The following PAX3 variants were observed in gnomAD, a reference collection of about 807,000 sequenced individuals.
The protein encoded by PAX3 is paired box protein Pax-3.
Under a neutral mutation model 51.6 loss-of-function variants are expected in PAX3, and 14 were observed. That is an observed-to-expected ratio of 0.27 (90% CI 0.18 to 0.42). PAX3 has a LOEUF of 0.42. PAX3 is among the 10% of genes least tolerant of loss of function. The pLI is 1.00. For missense variants in PAX3, 540 were observed against 642.8 expected, an observed-to-expected ratio of 0.84 and a Z score of 1.73; for synonymous variants, 280 against 253.4, an observed-to-expected ratio of 1.11 and a Z score of -1.00.
At chr2:222,222,784 C>T (rs1692247213) in intron 5 of PAX3, among the ~76,000 whole-genome samples, 1 of 152,158 alleles carries the variant, frequency 6.6e-6, no homozygotes, top group African/African-American at 2.4e-5. Flanking sequence ...GATGCCTTGT[C>T]CTCATGGGAT....
At chr2:222,279,178 T>G (rs1262396046) in intron 4 of PAX3, among the ~76,000 whole-genome samples, 2 of 152,228 alleles carry the variant, frequency 1.3e-5, no homozygotes, top group African/African-American at 4.8e-5. Flanking sequence ...GGTCTCGACC[T>G]CCTGATCTCA....
intron 8 of PAX3, 165 bp from the exon 9 acceptor site, chr2:222,201,607 G>C: frequency 7.7e-7 from 1 of 1,292,360 alleles, no homozygotes; most frequent in Admixed American, 2.0e-5. Context: ...TGTGTCCCTG[G>C]GATTATCCCC....
chr2:222,259,478 C>A (rs948496264), intron 4 of PAX3, among the ~76,000 whole-genome samples: 2 of 152,146 alleles, frequency 1.3e-5, no homozygotes, highest in Admixed American at 1.3e-4. Context: ...AGCATTCTAC[C>A]AATCAACATC....
chr2:222,261,930 C>T lies in PAX3; in HGVS notation c.587-29647G>A, dbSNP rs957360148. Among the ~76,000 whole-genome samples the T allele has an allele frequency of 3.9e-5, 6 of 152,314 alleles. 1 individual carries two copies. The South Asian group carries it at 1.0e-3, about 26-fold the overall frequency. ...CAGTTTAAACAAGCATGACAGGCAA[C>T]CAGTATCCCAATGGGTTCCCAAAGT... On this transcript the variant is annotated intron_variant, in intron 4 of 8. Coordinates refer to ENST00000392070, the MANE Select transcript of PAX3 (RefSeq NM_181458.4).
intron 4 of PAX3, among the ~76,000 whole-genome samples, chr2:222,293,202 C>T (rs565616294): frequency 4.9e-4 from 74 of 152,304 alleles, no homozygotes; most frequent in African/African-American, 1.7e-3. Context: ...GAGTGGGACC[C>T]CTGGCCACTC....
intron 6 of PAX3, 69 bp downstream of exon 6, chr2:222,221,153 T>C: frequency 6.9e-7 from 1 of 1,445,026 alleles, no homozygotes. Context: ...AGGATTCACT[T>C]GTATAAAATA....
chr2:222,221,576 T>C lies in PAX3; in HGVS notation c.793-189A>G, dbSNP rs914479928. On this transcript the variant is annotated intron_variant, in intron 5 of 8. Transcript: ENST00000392070. The stretch of plus-strand genomic sequence containing the variant: ...AGAAGAGTTTAGTGTCAAAGGTCAG[T>C]AGAGGGGCTTCAGGGACCCACCATG... 10 of 590,512 alleles carry C rather than the reference T, an allele frequency of 1.7e-5. No individual in the cohort carries two copies. The African/African-American group carries it at 1.9e-4, about 11-fold the overall frequency. The allele number at this position is 590,512 out of a possible 1,614,324, so 36.6% of individuals were successfully genotyped here.
intron 5 of PAX3, among the ~76,000 whole-genome samples, chr2:222,226,737 CA>C (rs1692400302): frequency 2.0e-5 from 3 of 149,690 alleles, no homozygotes; most frequent in African/African-American, 7.4e-5. Flanking sequence ...GGGTCATTCC[CA>C]AAATGCATGA....
At chr2:222,247,280 A>T (rs1264496301) in intron 4 of PAX3, among the ~76,000 whole-genome samples, 1 of 152,200 alleles carries the variant, frequency 6.6e-6, no homozygotes, top group East Asian at 1.9e-4. Flanking sequence ...CTCTGCACAG[A>T]GAGAGTGACA....
chr2:222,289,382 G>A (rs1574754651), intron 4 of PAX3, among the ~76,000 whole-genome samples: 1 of 152,252 alleles, frequency 6.6e-6, no homozygotes, highest in South Asian at 2.1e-4. Flanking sequence ...GGATGCTGAA[G>A]CCATTCGGAT....
intron 4 of PAX3, among the ~76,000 whole-genome samples, chr2:222,288,125 C>A (rs952960030): frequency 1.3e-5 from 2 of 152,164 alleles, no homozygotes; most frequent in Non-Finnish European, 2.9e-5. Flanking sequence ...ATATTGTGTT[C>A]TTAAACAAAC....
intron 5 of PAX3, among the ~76,000 whole-genome samples, chr2:222,223,149 T>C (rs1482919084): frequency 6.6e-6 from 1 of 151,986 alleles, no homozygotes; most frequent in Non-Finnish European, 1.5e-5. Context: ...AATAAATCCT[T>C]TGCCGAGGGA....
intron 4 of PAX3, among the ~76,000 whole-genome samples, chr2:222,234,943 A>G (rs2106100191): frequency 6.6e-6 from 1 of 152,306 alleles, no homozygotes; most frequent in Middle Eastern, 3.4e-3. Flanking sequence ...AACACTCAAT[A>G]GCATTTAAAG....
chr2:222,293,870 G>A, intron 4 of PAX3: 2 of 1,609,662 alleles, frequency 1.2e-6, no homozygotes, highest in South Asian at 2.2e-5. Context: ...CAGAGTGAGA[G>A]CTTCCCCTGC....
chr2:222,253,203 T>G (rs1381724457), intron 4 of PAX3, among the ~76,000 whole-genome samples: 1 of 152,230 alleles, frequency 6.6e-6, no homozygotes, highest in Non-Finnish European at 1.5e-5. Flanking sequence ...CTAAATGGTA[T>G]GGCTCCCAGA....
rs71053057 is a variant in PAX3, at chr2:222,203,012, C to CATATATATATATAT, written c.1174-836_1174-823dup. On this transcript the variant is annotated intron_variant, in intron 7 of 8. Coordinates refer to ENST00000392070, the MANE Select transcript of PAX3 (RefSeq NM_181458.4). The stretch of plus-strand genomic sequence containing the variant: ...TTATTTCTTCTCTAAACAACCATTT[C>CATATATATATATAT]ATATATATATATATATATATATATA... 1.4e-3 allele frequency among the ~76,000 whole-genome samples: 56 copies of CATATATATATATAT among 41,178 alleles called. 5 individuals carry two copies. The highest frequency in any genetic ancestry group is 2.9e-3 in the East Asian group (1 of 344). 27.0% of individuals were successfully genotyped at this position (41,178 alleles called of 152,430 possible).
intron 4 of PAX3, among the ~76,000 whole-genome samples, chr2:222,282,677 A>C (rs1244862248): frequency 1.3e-5 from 2 of 152,234 alleles, no homozygotes; most frequent in East Asian, 3.8e-4. Context: ...GCTTACAAAG[A>C]AAAATAAAAA....
intron 4 of PAX3, among the ~76,000 whole-genome samples, chr2:222,280,593 A>C (rs1420294932): frequency 6.6e-6 from 1 of 152,160 alleles, no homozygotes; most frequent in African/African-American, 2.4e-5. Context: ...CAACTCATTG[A>C]GCCTCTTACA....
At chr2:222,284,601 GTGTC>G (rs1694764602) in intron 4 of PAX3, among the ~76,000 whole-genome samples, 1 of 108,654 alleles carries the variant, frequency 9.2e-6, no homozygotes, top group Non-Finnish European at 1.8e-5. Context: ...TGTGGGGTGT[GTGTC>G]TGTGTGCGTG....
Sources: allele counts gnomAD v4.1 joint callset (sites outside exome capture counted in the v4.1 genomes callset), GRCh38; gene constraint gnomAD v4.1.1; transcripts MANE v1.5; gene names NCBI Gene and HGNC (gene_info 2026-07-23, HGNC 2026-07-21).